Variants in NR3C2 observed in about 807,000 individuals in gnomAD.
The protein encoded by NR3C2 is nuclear receptor subfamily 3 group C member 2, also known as mineralocorticoid receptor.
NR3C2 carries 15 observed loss-of-function variants against 86.4 expected under a neutral mutation model. That is an observed-to-expected ratio of 0.17 (90% CI 0.12 to 0.27). NR3C2 has a LOEUF of 0.27. Among genes scored for constraint, NR3C2 ranks in the 10% least tolerant of loss-of-function variants. The pLI is 1.00. For synonymous variants in NR3C2, 458 were observed against 450.5 expected, an observed-to-expected ratio of 1.02 and a Z score of -0.21; for missense variants, 960 against 1,195.6, an observed-to-expected ratio of 0.80 and a Z score of 2.91.
intron 2 of NR3C2, among the ~76,000 whole-genome samples, chr4:148,351,572 C>T (rs2149993100): frequency 6.6e-6 from 1 of 152,326 alleles, no homozygotes; most frequent in South Asian, 2.1e-4. Flanking sequence ...AAAGAGCCCT[C>T]TACAGACCCC....
At chr4:148,158,582 A>G (rs892616414) in intron 4 of NR3C2, among the ~76,000 whole-genome samples, 3 of 152,238 alleles carry the variant, frequency 2.0e-5, no homozygotes, top group Non-Finnish European at 4.4e-5. Context: ...CTCATCCTTT[A>G]TAGGACCACA....
chr4:148,279,392 T>G (rs1741123162), intron 2 of NR3C2, among the ~76,000 whole-genome samples: 1 of 152,196 alleles, frequency 6.6e-6, no homozygotes, highest in Non-Finnish European at 1.5e-5. Context: ...GAAGGCAAGC[T>G]TTAATTCCTT....
chr4:148,265,467 T>C (rs1740334741), intron 2 of NR3C2, among the ~76,000 whole-genome samples: 1 of 152,206 alleles, frequency 6.6e-6, no homozygotes, highest in South Asian at 2.1e-4. Context: ...CACCGTGTTG[T>C]TCCAGGAATT....
intron 4 of NR3C2, among the ~76,000 whole-genome samples, chr4:148,173,853 C>T (rs996605187): frequency 6.6e-6 from 1 of 152,110 alleles, no homozygotes; most frequent in African/African-American, 2.4e-5. Context: ...AGCGAAGGAG[C>T]GTGGGCGGGA....
intron 2 of NR3C2, among the ~76,000 whole-genome samples, chr4:148,336,062 C>G (rs1744471639): frequency 6.6e-6 from 1 of 152,164 alleles, no homozygotes; most frequent in Non-Finnish European, 1.5e-5. Context: ...ATTTCCCTCT[C>G]TTGCCTTGAG....
At chr4:148,265,071 T>C (rs140121435) in intron 2 of NR3C2, among the ~76,000 whole-genome samples, 172 of 152,276 alleles carry the variant, frequency 1.1e-3, no homozygotes, top group African/African-American at 3.8e-3. Context: ...GAAAGAAGTT[T>C]ATCATCAGCA....
At chr4:148,384,580 C>G (rs1747171020) in intron 2 of NR3C2, among the ~76,000 whole-genome samples, 1 of 152,084 alleles carries the variant, frequency 6.6e-6, no homozygotes, top group South Asian at 2.1e-4. Flanking sequence ...ACATTCCAAA[C>G]AAACAAGAAA....
intron 2 of NR3C2, among the ~76,000 whole-genome samples, chr4:148,329,491 C>T (rs1334003229): frequency 6.6e-6 from 1 of 152,158 alleles, no homozygotes; most frequent in Non-Finnish European, 1.5e-5. Flanking sequence ...ACAGATTCTA[C>T]ACTTTTTGTT....
At position 148,317,887 on chromosome 4, in the gene NR3C2, T is replaced by A. The variant is rs1368479555; in HGVS notation, c.1758-57770A>T. Among the ~76,000 whole-genome samples the A allele has an allele frequency of 5.3e-5, 8 of 151,978 alleles. 1 individual carries two copies. The highest frequency in any genetic ancestry group is 7.2e-5 in the African/African-American group (3 of 41,386). ...AAGCTGTTTTCTTTTTCTTTTTTTT[T>A]ATTATACTTTAAGTTTTAGGGTACA... On this transcript the variant is annotated intron_variant, in intron 2 of 8. Transcript: ENST00000358102.
chr4:148,321,700 C>G (rs764556616), intron 2 of NR3C2, among the ~76,000 whole-genome samples: 10,345 of 151,906 alleles, frequency 0.068, 543 homozygotes, highest in African/African-American at 0.15. Context: ...AGGATTGCAA[C>G]CCCTGCCTTT....
chr4:148,133,359 T>C (rs1240510448), intron 6 of NR3C2, among the ~76,000 whole-genome samples: 1 of 152,148 alleles, frequency 6.6e-6, no homozygotes, highest in Admixed American at 6.5e-5. Flanking sequence ...GGTGAGATAT[T>C]ATTGCTTCAT....
chr4:148,444,941 G>C, upstream of NR3C2: 2 of 985,064 alleles, frequency 2.0e-6, no homozygotes, highest in Non-Finnish European at 2.4e-6. Flanking sequence ...CTGGGTGGCC[G>C]GTGACAGCTC....
At chr4:148,320,856 G>T (rs1193217714) in intron 2 of NR3C2, among the ~76,000 whole-genome samples, 3 of 150,706 alleles carry the variant, frequency 2.0e-5, no homozygotes, top group African/African-American at 7.4e-5. Flanking sequence ...TTTTTGAAAG[G>T]TTTTTTGTGT....
chr4:148,146,318 C>A (rs1733867064), intron 6 of NR3C2, among the ~76,000 whole-genome samples: 1 of 152,196 alleles, frequency 6.6e-6, no homozygotes, highest in African/African-American at 2.4e-5. Flanking sequence ...ATACCTCCAA[C>A]CACCCCTGGC....
At chr4:148,285,431 G>A (rs1255478910) in intron 2 of NR3C2, among the ~76,000 whole-genome samples, 3 of 152,124 alleles carry the variant, frequency 2.0e-5, no homozygotes, top group South Asian at 2.1e-4. Context: ...CCTCCAGGCC[G>A]GACGTGGTGG....
At chr4:148,278,304 T>C (rs1256919142) in intron 2 of NR3C2, among the ~76,000 whole-genome samples, 1 of 152,164 alleles carries the variant, frequency 6.6e-6, no homozygotes, top group African/African-American at 2.4e-5. Flanking sequence ...TTTGCCATTT[T>C]ACCCAGACTG....
chr4:148,295,854 C>A (rs1340569467), intron 2 of NR3C2, among the ~76,000 whole-genome samples: 2 of 151,780 alleles, frequency 1.3e-5, no homozygotes, highest in Admixed American at 1.3e-4. Flanking sequence ...GTCACGTGAT[C>A]CTGCCTACCT....
intron 3 of NR3C2, among the ~76,000 whole-genome samples, chr4:148,206,713 A>G (rs1417058653): frequency 2.0e-5 from 3 of 152,130 alleles, no homozygotes; most frequent in Non-Finnish European, 4.4e-5. Context: ...TGGGATATTG[A>G]GCTGCAAGCC....
At chr4:148,166,070 T>C (rs1319243666) in intron 4 of NR3C2, among the ~76,000 whole-genome samples, 1 of 152,238 alleles carries the variant, frequency 6.6e-6, no homozygotes, top group African/African-American at 2.4e-5. Flanking sequence ...TTATCAAAAC[T>C]AGTCTAAATT....
Sources: allele counts gnomAD v4.1 joint callset (sites outside exome capture counted in the v4.1 genomes callset), GRCh38; gene constraint gnomAD v4.1.1; transcripts MANE v1.5; gene names NCBI Gene and HGNC (gene_info 2026-07-23, HGNC 2026-07-21).